Variants in CHN1 observed in about 807,000 individuals in gnomAD.
CHN1 encodes N-chimaerin.
CHN1 carries 37 observed loss-of-function variants against 59.5 expected under a neutral mutation model. The observed-to-expected ratio is 0.62, with a 90% confidence interval of 0.48 to 0.82. The LOEUF (loss-of-function observed/expected upper bound fraction) is 0.82, where lower values mean the gene tolerates loss of function less well. CHN1 is among the 40% of genes least tolerant of loss of function. CHN1 has a pLI of 0.00. For synonymous variants in CHN1, 206 were observed against 200.4 expected (o/e 1.03, Z -0.24); for missense variants, 469 against 571.0 (o/e 0.82, Z 1.82).
At chr2:174,892,002 A>C (rs907966305) in intron 5 of CHN1, among the ~76,000 whole-genome samples, 1 of 152,224 alleles carries the variant, frequency 6.6e-6, no homozygotes, top group Non-Finnish European at 1.5e-5. Flanking sequence ...ATAACCTAAA[A>C]ATGAATTAAT....
At chr2:174,966,998 C>A (rs1381359552) in intron 1 of CHN1, among the ~76,000 whole-genome samples, 1 of 152,058 alleles carries the variant, frequency 6.6e-6, no homozygotes, top group African/African-American at 2.4e-5. Context: ...AAATAGAATG[C>A]GCAAAACTCG....
At chr2:174,849,194 C>T (rs1356596678) in intron 6 of CHN1, among the ~76,000 whole-genome samples, 1 of 152,138 alleles carries the variant, frequency 6.6e-6, no homozygotes, top group Non-Finnish European at 1.5e-5. Flanking sequence ...CCTGGTTCTA[C>T]AGCTATAGTT....
At chr2:174,867,728 T>C (rs1004531942) in intron 6 of CHN1, among the ~76,000 whole-genome samples, 7 of 152,298 alleles carry the variant, frequency 4.6e-5, no homozygotes, top group African/African-American at 7.2e-5. Context: ...AAAGCAGATA[T>C]ATATATACAT....
intron 8 of CHN1, among the ~76,000 whole-genome samples, chr2:174,815,707 G>A (rs557953188): frequency 2.0e-5 from 3 of 151,078 alleles, no homozygotes; most frequent in Non-Finnish European, 2.9e-5. Context: ...TGACGTTGCT[G>A]TTGGTGTCTG....
chr2:174,846,222 C>A, intron 7 of CHN1: 1 of 1,455,892 alleles, frequency 6.9e-7, no homozygotes, highest in Non-Finnish European at 9.1e-7. Flanking sequence ...CTACATACAG[C>A]TTGAATCAAC....
At chr2:174,917,213 A>C (rs2105372459) in intron 4 of CHN1, among the ~76,000 whole-genome samples, 1 of 152,282 alleles carries the variant, frequency 6.6e-6, no homozygotes, top group East Asian at 1.9e-4. Context: ...CGGGTGGATC[A>C]CCTGAGGTCA....
intron 1 of CHN1, among the ~76,000 whole-genome samples, chr2:174,989,879 A>C (rs1490905667): frequency 6.6e-6 from 1 of 152,216 alleles, no homozygotes; most frequent in Non-Finnish European, 1.5e-5. Flanking sequence ...AAATTATCTA[A>C]TATTAATGTA....
intron 3 of CHN1, among the ~76,000 whole-genome samples, chr2:174,929,866 A>G (rs772282442): frequency 1.4e-4 from 22 of 152,212 alleles, no homozygotes; most frequent in Non-Finnish European, 3.1e-4. Context: ...ATGTGCATCT[A>G]CATTAGGATA....
intron 5 of CHN1, among the ~76,000 whole-genome samples, chr2:174,894,168 G>C (rs1688139246): frequency 1.3e-5 from 2 of 152,060 alleles, no homozygotes. Flanking sequence ...TCAACAGAGT[G>C]AAAAGGTAAC....
At chr2:174,839,776 G>C (rs1686223028) in intron 7 of CHN1, among the ~76,000 whole-genome samples, 1 of 151,912 alleles carries the variant, frequency 6.6e-6, no homozygotes, top group African/African-American at 2.4e-5. Flanking sequence ...GCTAAGTTTT[G>C]TATTTTTGAT....
chr2:175,004,892 AC>A lies in CHN1; in HGVS notation c.19+1del. ...GCGGCGCGGGGAGACGGCTGCACTT[AC>A]CAAACAGGGTCAGGGCCATTGTAAA... On this transcript the variant is annotated splice_donor_variant, in intron 1 of 12. Coordinates refer to ENST00000409900, the MANE Select transcript of CHN1 (RefSeq NM_001822.7). LOFTEE classifies it high-confidence loss of function. 2.7e-6 allele frequency: 4 copies of A among 1,508,000 alleles called. No homozygotes were observed. Among genetic ancestry groups the A allele is most frequent in the Non-Finnish European group, 3.5e-6 (4 of 1,129,870 alleles). 93.4% of individuals were successfully genotyped at this position (1,508,000 alleles called of 1,614,324 possible). A position where few individuals can be genotyped will look rare whatever the true frequency, so the allele number is the denominator to read the frequency against.
chr2:174,864,974 G>A (rs1360515264), intron 6 of CHN1, among the ~76,000 whole-genome samples: 1 of 152,086 alleles, frequency 6.6e-6, no homozygotes, highest in Non-Finnish European at 1.5e-5. Flanking sequence ...TATTGTTGTT[G>A]TTCCTATGAA....
In CHN1 at chr2:174,809,092, C is replaced by T. The variant is rs7558477; in HGVS notation, c.965-50G>A. 5.1e-3 allele frequency: 7,625 copies of T among 1,499,870 alleles called. 357 individuals carry two copies. In the African/African-American group the frequency reaches 0.094, roughly 19 times the overall value. The allele number at this position is 1,499,870 out of a possible 1,614,324, so 92.9% of individuals were successfully genotyped here. A position where few individuals can be genotyped will look rare whatever the true frequency, so the allele number is the denominator to read the frequency against. On this transcript the variant is annotated intron_variant, in intron 10 of 12. Coordinates refer to ENST00000409900, the MANE Select transcript of CHN1 (RefSeq NM_001822.7). ...AAAGTAAATATCTGGATTCACAGCA[C>T]TGTTTTAATGAATGACATATCTGTA...
At chr2:174,883,552 AACT>A (rs1192977060) in intron 5 of CHN1, among the ~76,000 whole-genome samples, 2 of 152,160 alleles carry the variant, frequency 1.3e-5, no homozygotes, top group African/African-American at 2.4e-5. Flanking sequence ...AAGCTCTCAG[AACT>A]ACTAGCCAGC....
chr2:174,869,433 G>C (rs1038708936), intron 6 of CHN1, among the ~76,000 whole-genome samples: 2 of 151,926 alleles, frequency 1.3e-5, no homozygotes, highest in Non-Finnish European at 2.9e-5. Context: ...TCAAATATAA[G>C]AAACTAAAAA....
At chr2:174,887,983 T>C (rs1687939432) in intron 5 of CHN1, among the ~76,000 whole-genome samples, 2 of 152,200 alleles carry the variant, frequency 1.3e-5, no homozygotes, top group African/African-American at 2.4e-5. Flanking sequence ...TAAAGACAGA[T>C]AGACTTATAA....
chr2:174,849,342 T>C (rs1025617615), intron 6 of CHN1, among the ~76,000 whole-genome samples: 37 of 152,200 alleles, frequency 2.4e-4, no homozygotes, highest in Non-Finnish European at 5.0e-4. Context: ...AGTAATGTTC[T>C]ATTTAGTCAA....
At chr2:174,993,610 T>A (rs1574253603) in intron 1 of CHN1, among the ~76,000 whole-genome samples, 6 of 141,264 alleles carry the variant, frequency 4.2e-5, no homozygotes, top group South Asian at 2.2e-4. Context: ...CTTGAGAGGG[T>A]ACCAAAACTA....
At chr2:174,948,391 T>C (rs937185017) in intron 2 of CHN1, among the ~76,000 whole-genome samples, 1 of 152,194 alleles carries the variant, frequency 6.6e-6, no homozygotes, top group African/African-American at 2.4e-5. Flanking sequence ...TTGCCTCATT[T>C]ATTACATGTA....
Sources: gnomAD v4.1 joint callset for allele counts (sites outside exome capture counted in the v4.1 genomes callset) on GRCh38, gnomAD v4.1.1 for gene constraint, MANE v1.5 for transcripts, NCBI Gene and HGNC (gene_info 2026-07-23, HGNC 2026-07-21) for gene names.